MBNL1: variants seen among roughly 807,000 people sequenced by gnomAD.
MBNL1 encodes muscleblind-like protein 1.
In MBNL1, 8 loss-of-function variants were observed where a neutral mutation model predicts 42.2. That is an observed-to-expected ratio of 0.19 (90% CI 0.11 to 0.34). The LOEUF is 0.34. Ranked by LOEUF, MBNL1 falls within the 10% of genes least tolerant of loss-of-function variation. MBNL1 has a pLI of 1.00. For synonymous variants in MBNL1, 169 were observed against 173.9 expected (o/e 0.97, Z 0.22); for missense variants, 309 against 495.3 (o/e 0.62, Z 3.57).
intron 6 of MBNL1, among the ~76,000 whole-genome samples, chr3:152,455,225 A>G (rs1290130): frequency 0.053 from 8,075 of 152,272 alleles, 308 homozygotes; most frequent in South Asian, 0.12. Context: ...AAACAAAACA[A>G]ATTACAATAT....
chr3:152,255,343 A>G (rs968407061), intron 2 of MBNL1, among the ~76,000 whole-genome samples: 1 of 152,142 alleles, frequency 6.6e-6, no homozygotes, highest in Non-Finnish European at 1.5e-5. Flanking sequence ...CTAATATTAC[A>G]TTAATTTAAT....
intron 2 of MBNL1, among the ~76,000 whole-genome samples, chr3:152,385,794 A>G (rs2097388218): frequency 6.6e-6 from 1 of 152,072 alleles, no homozygotes; most frequent in South Asian, 2.1e-4. Flanking sequence ...CTTCTGGATC[A>G]CCACCTGAAG....
chr3:152,353,671 C>CTTTTTT (rs34931833), intron 2 of MBNL1, among the ~76,000 whole-genome samples: 2 of 116,500 alleles, frequency 1.7e-5, no homozygotes, highest in South Asian at 2.9e-4. Context: ...TCAACAAATC[C>CTTTTTT]TTTTTTTTTT....
At chr3:152,244,660 T>C (rs1277099847) in intron 2 of MBNL1, among the ~76,000 whole-genome samples, 2 of 152,202 alleles carry the variant, frequency 1.3e-5, no homozygotes, top group Non-Finnish European at 2.9e-5. Flanking sequence ...TTTTCATTGA[T>C]CTCCAAATTA....
intron 2 of MBNL1, among the ~76,000 whole-genome samples, chr3:152,313,500 T>G (rs1014330553): frequency 2.0e-5 from 3 of 152,150 alleles, no homozygotes; most frequent in African/African-American, 7.2e-5. Flanking sequence ...GCTTTCAAGA[T>G]TTGTGAGGAT....
intron 3 of MBNL1, among the ~76,000 whole-genome samples, chr3:152,430,036 A>G (rs2098986469): frequency 1.3e-5 from 2 of 152,244 alleles, no homozygotes; most frequent in Admixed American, 6.5e-5. Flanking sequence ...GCTGAATTAA[A>G]GTGAAAGATC....
intron 2 of MBNL1, among the ~76,000 whole-genome samples, chr3:152,360,597 C>T (rs887446767): frequency 3.9e-5 from 6 of 152,044 alleles, no homozygotes; most frequent in African/African-American, 1.4e-4. Flanking sequence ...GGTTCTTCTC[C>T]TATGCTTCTT....
At chr3:152,462,304 A>G (rs1747616758) in intron 9 of MBNL1, 81 bp from the exon 10 acceptor site, 1 of 152,166 alleles carries the variant, frequency 6.6e-6, no homozygotes. Flanking sequence ...TCAAAAAGAA[A>G]ATTTTCATAT....
At chr3:152,340,509 G>A in intron 2 of MBNL1, 1 of 1,567,486 alleles carries the variant, frequency 6.4e-7, no homozygotes, top group Non-Finnish European at 8.6e-7. Context: ...ATTAAAAATA[G>A]TGGAAGTTGG....
At chr3:152,418,629 A>T (rs907913886) in intron 3 of MBNL1, among the ~76,000 whole-genome samples, 57 of 150,588 alleles carry the variant, frequency 3.8e-4, no homozygotes, top group African/African-American at 1.3e-3. Flanking sequence ...AAAAAAAAAA[A>T]AAGAGAGAGA....
At chr3:152,292,353 A>G (rs76360965) in intron 1 of MBNL1, among the ~76,000 whole-genome samples, 10,984 of 152,286 alleles carry the variant, frequency 0.072, 517 homozygotes, top group Middle Eastern at 0.17. Flanking sequence ...ATTGGAATAC[A>G]GTTTAGTTGC....
chr3:152,319,095 A>G (rs974969118), intron 2 of MBNL1, among the ~76,000 whole-genome samples: 4 of 152,190 alleles, frequency 2.6e-5, no homozygotes, highest in African/African-American at 9.6e-5. Context: ...TCAAGTCTTC[A>G]TATAATCAAA....
chr3:152,404,905 A>G (rs1301846198), intron 2 of MBNL1, among the ~76,000 whole-genome samples: 2 of 151,996 alleles, frequency 1.3e-5, no homozygotes, highest in Admixed American at 6.6e-5. Flanking sequence ...GAAGTAGATA[A>G]TATGAAGCAA....
intron 1 of MBNL1, among the ~76,000 whole-genome samples, chr3:152,289,995 C>A (rs1165638730): frequency 6.6e-6 from 1 of 151,810 alleles, no homozygotes; most frequent in Non-Finnish European, 1.5e-5. Context: ...TTATTTTGGT[C>A]TTTTTATTTA....
At position 152,462,631 on chromosome 3, in the gene MBNL1, G is replaced by A. The variant is rs1747946300; in HGVS notation, c.*265G>A. The stretch of plus-strand genomic sequence containing the variant: ...TATTCCTGTCTAAAAGAACAACATT[G>A]TCTTTCTTTTCTAGCACAGAGTTAT... On this transcript the variant is annotated 3_prime_UTR_variant, in exon 10 of 10. Transcript: ENST00000324210. 1 of 152,134 alleles carries A rather than the reference G, an allele frequency of 6.6e-6. No individual in the cohort carries two copies. Among genetic ancestry groups the A allele is most frequent in the South Asian group, 2.1e-4 (1 of 4,832 alleles). The allele number at this position is 152,134 out of a possible 1,614,324, so 9.4% of individuals were successfully genotyped here.
rs1748382190 is a variant in MBNL1 at position 152,463,185 on chromosome 3, TTAACTTTACAG to T, written c.*824_*834del. 1.3e-5 allele frequency: 2 copies of T among 151,878 alleles called. No individual in the cohort carries two copies. Among genetic ancestry groups the T allele is most frequent in the Non-Finnish European group, 1.5e-5 (1 of 67,788 alleles). 9.4% of individuals were successfully genotyped at this position (151,878 alleles called of 1,614,324 possible). A position where few individuals can be genotyped will look rare whatever the true frequency, so the allele number is the denominator to read the frequency against. On this transcript the variant is annotated 3_prime_UTR_variant, in exon 10 of 10. Coordinates refer to ENST00000324210, the MANE Select transcript of MBNL1 (RefSeq NM_021038.5). ...CAAAGCTGTCTCAGAAATGGCCAATTTAACTTTACAGTAACAATAGACAGCACAACACAAAC... is the reference window on the plus strand; with the variant it reads ...CAAAGCTGTCTCAGAAATGGCCAATTTAACAATAGACAGCACAACACAAAC...
intron 1 of MBNL1, among the ~76,000 whole-genome samples, chr3:152,297,344 G>GTT (rs1201662855): frequency 4.8e-4 from 60 of 124,332 alleles, no homozygotes; most frequent in African/African-American, 1.2e-3. Flanking sequence ...TGGGGATGAG[G>GTT]TTTTTTTTTT....
intron 2 of MBNL1, among the ~76,000 whole-genome samples, chr3:152,320,148 G>A (rs530261480): frequency 1.3e-5 from 2 of 152,090 alleles, no homozygotes; most frequent in Non-Finnish European, 2.9e-5. Flanking sequence ...AATTGAATGC[G>A]ATGTTTCTTC....
At chr3:152,283,427 T>C (rs146354741) in intron 1 of MBNL1, among the ~76,000 whole-genome samples, 69 of 152,284 alleles carry the variant, frequency 4.5e-4, no homozygotes, top group African/African-American at 1.7e-3. Flanking sequence ...GGCAAAGAAA[T>C]GAAACAAGTA....
Sources: gnomAD v4.1 joint callset for allele counts (sites outside exome capture counted in the v4.1 genomes callset) on GRCh38, gnomAD v4.1.1 for gene constraint, MANE v1.5 for transcripts, NCBI Gene and HGNC (gene_info 2026-07-23, HGNC 2026-07-21) for gene names.